The following GSE1 variants were observed in gnomAD, a reference collection of about 807,000 sequenced individuals.
GSE1 encodes Gse1 coiled-coil protein.
GSE1 carries 32 observed loss-of-function variants against 112.6 expected under a neutral mutation model. That is an observed-to-expected ratio of 0.28 (90% CI 0.21 to 0.38). The LOEUF is 0.38. GSE1 is among the 10% of genes least tolerant of loss of function. The pLI is 1.00. For missense variants in GSE1, 2,348 were observed against 1,699.2 expected (o/e 1.38, Z -6.71); for synonymous variants, 1,115 against 735.6 (o/e 1.52, Z -8.35).
chr16:85,488,927 G>A (rs1377132430), intron 2 of GSE1, among the ~76,000 whole-genome samples: 2 of 151,992 alleles, frequency 1.3e-5, no homozygotes, highest in Non-Finnish European at 2.9e-5. Flanking sequence ...TTGGGATGAG[G>A]GCCATCAACA....
intron 2 of GSE1, among the ~76,000 whole-genome samples, chr16:85,476,478 A>G (rs2050459466): frequency 6.6e-6 from 1 of 152,140 alleles, no homozygotes; most frequent in African/African-American, 2.4e-5. Flanking sequence ...TCCGTGTATC[A>G]TGGCTTCATG....
rs548015820 is a variant in GSE1 at position 85,367,797 on chromosome 16, T to A, written c.2464+10154T>A. 5.3e-5 allele frequency among the ~76,000 whole-genome samples: 8 copies of A among 150,818 alleles called. No individual in the cohort carries two copies. The East Asian group carries it at 1.6e-3, about 30-fold the overall frequency. On this transcript the variant is annotated intron_variant, in intron 2 of 2. Transcript: ENST00000637419. Reference sequence around the variant, plus strand: ...TGTGAGCTTTTTAGTCAGCTGTTGCTGGGAGACATGACCAGGGGAGGGCAA... The same window carrying A: ...TGTGAGCTTTTTAGTCAGCTGTTGCAGGGAGACATGACCAGGGGAGGGCAA...
chr16:85,252,852 C>T (rs1906634612), intron 1 of GSE1, among the ~76,000 whole-genome samples: 1 of 152,220 alleles, frequency 6.6e-6, no homozygotes, highest in South Asian at 2.1e-4. Flanking sequence ...CACTCAGCTT[C>T]TCCGAGCCTC....
At chr16:85,275,476 C>G (rs1239406297) in intron 1 of GSE1, among the ~76,000 whole-genome samples, 1 of 152,224 alleles carries the variant, frequency 6.6e-6, no homozygotes, top group African/African-American at 2.4e-5. Flanking sequence ...TCCAGAAGTA[C>G]CTCGGTGCGA....
chr16:85,616,044 CT>C (rs2048350167), intron 1 of GSE1, among the ~76,000 whole-genome samples: 1 of 152,226 alleles, frequency 6.6e-6, no homozygotes, highest in African/African-American at 2.4e-5. Context: ...ATCTGAGTGC[CT>C]TGTGGTTTCA....
chr16:85,497,445 G>C (rs1376098520), intron 2 of GSE1, among the ~76,000 whole-genome samples: 3 of 152,184 alleles, frequency 2.0e-5, no homozygotes, highest in African/African-American at 7.2e-5. Flanking sequence ...GGGATGGTTG[G>C]GATAGACAAG....
At chr16:85,488,836 A>C (rs1013792173) in intron 2 of GSE1, among the ~76,000 whole-genome samples, 1 of 151,966 alleles carries the variant, frequency 6.6e-6, no homozygotes, top group African/African-American at 2.4e-5. Flanking sequence ...GAGGTGGGTG[A>C]TTTCCTGGAC....
chr16:85,513,088 C>T (rs1427302197), intron 2 of GSE1, among the ~76,000 whole-genome samples: 4 of 152,192 alleles, frequency 2.6e-5, no homozygotes, highest in African/African-American at 4.8e-5. Context: ...GTCTCCATCA[C>T]TCTGCTCTGT....
intron 1 of GSE1, among the ~76,000 whole-genome samples, chr16:85,180,204 G>A (rs1015877782): frequency 6.6e-6 from 1 of 152,214 alleles, no homozygotes; most frequent in Non-Finnish European, 1.5e-5. Context: ...CCCGCGAGAG[G>A]TGCAGAACCT....
intron 1 of GSE1, among the ~76,000 whole-genome samples, chr16:85,564,419 AT>A (rs1350879196): frequency 6.6e-6 from 1 of 152,160 alleles, no homozygotes; most frequent in African/African-American, 2.4e-5. Flanking sequence ...GGATTGAGTA[AT>A]CAGGGTGACA....
chr16:85,500,752 A>G (rs926575865), intron 2 of GSE1, among the ~76,000 whole-genome samples: 4 of 152,178 alleles, frequency 2.6e-5, no homozygotes, highest in African/African-American at 9.7e-5. Flanking sequence ...GGGGCTTGAA[A>G]CAACAGAAAT....
At chr16:85,661,896 G>A in intron 9 of GSE1, 131 bp downstream of exon 9, 1 of 892,834 alleles carries the variant, frequency 1.1e-6, no homozygotes, top group Non-Finnish European at 1.6e-6. Flanking sequence ...GGCCCCAGGT[G>A]GCAAGTGCAC....
intron 1 of GSE1, among the ~76,000 whole-genome samples, chr16:85,331,019 C>A (rs1597406068): frequency 6.6e-6 from 1 of 152,178 alleles, no homozygotes; most frequent in South Asian, 2.1e-4. Flanking sequence ...GAGGTCATAC[C>A]CTGCTATGTT....
At chr16:85,232,133 G>A (rs1406155793) in intron 1 of GSE1, among the ~76,000 whole-genome samples, 1 of 152,182 alleles carries the variant, frequency 6.6e-6, no homozygotes, top group Non-Finnish European at 1.5e-5. Flanking sequence ...GTTGGCCTTC[G>A]ATACATCCCT....
At chr16:85,443,499 A>C (rs1005046880) in intron 2 of GSE1, among the ~76,000 whole-genome samples, 28 of 152,360 alleles carry the variant, frequency 1.8e-4, no homozygotes, top group African/African-American at 6.5e-4. Flanking sequence ...AGGCGCTTCC[A>C]CCTGGCCCAT....
chr16:85,448,095 C>G (rs567820260), intron 2 of GSE1, among the ~76,000 whole-genome samples: 18 of 152,346 alleles, frequency 1.2e-4, no homozygotes, highest in African/African-American at 4.3e-4. Context: ...GTCGTGTACC[C>G]AGCTCTGGGC....
At chr16:85,571,737 G>A (rs908730324) in intron 1 of GSE1, among the ~76,000 whole-genome samples, 6 of 152,246 alleles carry the variant, frequency 3.9e-5, no homozygotes, top group Non-Finnish European at 7.3e-5. Flanking sequence ...CCCAGCAAGG[G>A]AGGCAGAGGC....
At chr16:85,664,810 C>A in intron 11 of GSE1, 1 of 571,672 alleles carries the variant, frequency 1.7e-6, no homozygotes, top group South Asian at 2.0e-5. Context: ...ACGTCTAGGA[C>A]ATTGTGTAGT....
chr16:85,353,959 T>C (rs2046900948), intron 1 of GSE1, among the ~76,000 whole-genome samples: 2 of 152,208 alleles, frequency 1.3e-5, no homozygotes, highest in South Asian at 2.1e-4. Context: ...CCGTGTCTGT[T>C]GAACAATCTT....
Sources: gnomAD v4.1 joint callset for allele counts (sites outside exome capture counted in the v4.1 genomes callset) on GRCh38, gnomAD v4.1.1 for gene constraint, MANE v1.5 for transcripts, NCBI Gene and HGNC (gene_info 2026-07-23, HGNC 2026-07-21) for gene names.